KDM4C: variants seen among roughly 807,000 people sequenced by gnomAD.
KDM4C encodes the protein lysine-specific demethylase 4C.
In KDM4C, 81 loss-of-function variants were observed where a neutral mutation model predicts 129.3. The ratio of observed to expected loss-of-function variants is 0.63; its 90% confidence interval spans 0.52 to 0.75. The LOEUF is 0.75. Among genes scored for constraint, KDM4C ranks in the 30% least tolerant of loss-of-function variants. KDM4C has a pLI of 0.00. For missense variants in KDM4C, 1,457 were observed against 1,304.0 expected (o/e 1.12, Z -1.81); for synonymous variants, 573 against 456.1 (o/e 1.26, Z -3.26).
At chr9:6,801,605 C>T (rs922999210) in intron 2 of KDM4C, among the ~76,000 whole-genome samples, 6 of 151,030 alleles carry the variant, frequency 4.0e-5, no homozygotes, top group East Asian at 1.9e-4. Flanking sequence ...TTTACATGCT[C>T]TTGTGCAGAT....
At chr9:7,018,563 A>C (rs1262805725) in intron 15 of KDM4C, among the ~76,000 whole-genome samples, 1 of 152,246 alleles carries the variant, frequency 6.6e-6, no homozygotes, top group East Asian at 1.9e-4. Context: ...CCTGAATCAT[A>C]AATTTAGAAG....
chr9:6,945,183 TACAC>T (rs148786183), intron 8 of KDM4C, among the ~76,000 whole-genome samples: 1 of 152,290 alleles, frequency 6.6e-6, no homozygotes, highest in East Asian at 1.9e-4. Context: ...TAAAAATGCT[TACAC>T]ACAAGGAAGC....
intron 15 of KDM4C, among the ~76,000 whole-genome samples, chr9:7,040,471 T>G (rs1451406427): frequency 1.3e-5 from 2 of 151,700 alleles, no homozygotes; most frequent in African/African-American, 4.8e-5. Context: ...TTTACCCAGG[T>G]ATTTTTGGAG....
intron 16 of KDM4C, 98 bp downstream of exon 16, chr9:7,047,015 G>A (rs1288568885): frequency 1.2e-6 from 1 of 848,852 alleles, no homozygotes; most frequent in Non-Finnish European, 1.9e-6. Flanking sequence ...TGTACACGTG[G>A]TTTCAAAGCT....
chr9:7,076,132 A>G lies in KDM4C; in HGVS notation c.2424+26932A>G, dbSNP rs10976027. Reference sequence around the variant, plus strand: ...TTGGTATTTCAGTCTCTTCTTTGCCAGGCCCAGTTCTGGCCATCCTACTGT... The same window carrying G: ...TTGGTATTTCAGTCTCTTCTTTGCCGGGCCCAGTTCTGGCCATCCTACTGT... On this transcript the variant is annotated intron_variant, in intron 17 of 21. Transcript: ENST00000381309. 2.6e-3 allele frequency among the ~76,000 whole-genome samples: 402 copies of G among 152,268 alleles called. 10 individuals carry two copies. Among genetic ancestry groups the G allele is most frequent in the East Asian group, 0.025 (127 of 5,182 alleles).
intron 12 of KDM4C, among the ~76,000 whole-genome samples, chr9:7,003,075 A>T (rs1821024457): frequency 6.6e-6 from 1 of 152,170 alleles, no homozygotes; most frequent in Non-Finnish European, 1.5e-5. Context: ...CATGTTTGTC[A>T]GGCTGGTCTC....
Position 6,852,634 on chromosome 9 carries a change from T to G in KDM4C, c.629+2934T>G, listed in dbSNP as rs539559338. 7.2e-5 allele frequency among the ~76,000 whole-genome samples: 11 copies of G among 152,320 alleles called. No individual in the cohort carries two copies. In the South Asian group the frequency reaches 2.1e-3, roughly 29 times the overall value. ...TATGGGATGGTTGCCTTTACTTTTC[T>G]CTAGTGGGTGGCCTCTCCTGTGCTT... On this transcript the variant is annotated intron_variant, in intron 5 of 21. Transcript: ENST00000381309.
chr9:7,053,144 T>G (rs946017007), intron 17 of KDM4C, among the ~76,000 whole-genome samples: 18 of 152,216 alleles, frequency 1.2e-4, no homozygotes, highest in Admixed American at 7.2e-4. Context: ...TTAAAATGTC[T>G]TCCATTATAT....
At chr9:7,009,902 CAAAT>C (rs1255967144) in intron 12 of KDM4C, among the ~76,000 whole-genome samples, 5 of 151,984 alleles carry the variant, frequency 3.3e-5, no homozygotes, top group African/African-American at 1.2e-4. Flanking sequence ...AAAAAACTCA[CAAAT>C]GAATCATGTA....
chr9:6,757,445 G>A (rs1356395428), upstream of KDM4C, among the ~76,000 whole-genome samples: 1 of 152,256 alleles, frequency 6.6e-6, no homozygotes, highest in Non-Finnish European at 1.5e-5. Context: ...GGGACACGAA[G>A]ATACTCTTCG....
At chr9:6,736,778 C>A (rs1473654208) in intron 1 of KDM4C, among the ~76,000 whole-genome samples, 1 of 152,106 alleles carries the variant, frequency 6.6e-6, no homozygotes, top group Non-Finnish European at 1.5e-5. Flanking sequence ...CCACCAGGAG[C>A]AGTGGCTCAC....
At chr9:6,827,282 C>G (rs539242340) in intron 4 of KDM4C, among the ~76,000 whole-genome samples, 22 of 152,338 alleles carry the variant, frequency 1.4e-4, no homozygotes, top group African/African-American at 5.1e-4. Flanking sequence ...TAACTGCTCT[C>G]TCTCGTTCCT....
intron 2 of KDM4C, among the ~76,000 whole-genome samples, chr9:6,796,020 T>G (rs551187636): frequency 1.3e-5 from 2 of 152,090 alleles, no homozygotes; most frequent in African/African-American, 4.8e-5. Flanking sequence ...TGAGTGAAAA[T>G]TAATTAGGGG....
intron 4 of KDM4C, chr9:6,835,109 C>T (rs1564122642): frequency 7.9e-6 from 8 of 1,007,668 alleles, no homozygotes; most frequent in Non-Finnish European, 1.3e-5. Context: ...TGCTATGTTG[C>T]TCTGGCCTTC....
At chr9:6,998,086 C>T (rs1201898243) in intron 12 of KDM4C, among the ~76,000 whole-genome samples, 1 of 152,188 alleles carries the variant, frequency 6.6e-6, no homozygotes, top group African/African-American at 2.4e-5. Flanking sequence ...TTTCATCAGT[C>T]ATCAGTTCAG....
At position 7,174,715 on chromosome 9, in the gene KDM4C, C is replaced by T; in HGVS notation, c.3157C>T (p.Gln1053Ter). The stretch of plus-strand genomic sequence containing the variant: ...GAAGAGCTCTTTCCAGAAGAAGTGC[C>T]AGAAGAGACAGTAGTCTGCATACAT... ...FLKSSFQKKCQKRQ is the reference protein window; with the variant it reads ...FLKSSFQKKC Residue 1053 changes from glutamine (Q) to a stop codon, truncating the protein, a stop_gained, in exon 22 of 22, where the codon CAG (glutamine) becomes TAG (stop). Transcript: ENST00000381309. LOFTEE classifies it high-confidence loss of function. 6.2e-7 allele frequency: 1 copy of T among 1,613,982 alleles called. No individual in the cohort carries two copies. The highest frequency in any genetic ancestry group is 8.5e-7 in the Non-Finnish European group (1 of 1,179,934).
intron 21 of KDM4C, among the ~76,000 whole-genome samples, chr9:7,172,410 T>C (rs1194893468): frequency 6.6e-6 from 1 of 152,172 alleles, no homozygotes. Context: ...TATTATTGTA[T>C]TTGAGAGGCC....
chr9:6,751,956 A>G (rs1484624624), intron 1 of KDM4C, among the ~76,000 whole-genome samples: 3 of 152,308 alleles, frequency 2.0e-5, no homozygotes, highest in Admixed American at 2.0e-4. Flanking sequence ...TGCAGAAGAA[A>G]GCCCATGACA....
intron 8 of KDM4C, among the ~76,000 whole-genome samples, chr9:6,960,346 C>G (rs1430868834): frequency 1.4e-5 from 2 of 147,292 alleles, no homozygotes; most frequent in African/African-American, 2.5e-5. Flanking sequence ...GTGGCATAAT[C>G]ATAGCTCACT....
Sources: allele counts gnomAD v4.1 joint callset (sites outside exome capture counted in the v4.1 genomes callset), GRCh38; gene constraint gnomAD v4.1.1; transcripts MANE v1.5; gene names NCBI Gene and HGNC (gene_info 2026-07-23, HGNC 2026-07-21).